PTPRT: variants seen among roughly 807,000 people sequenced by gnomAD.
PTPRT encodes receptor-type tyrosine-protein phosphatase T.
A neutral mutation model predicts 176.8 loss-of-function variants in PTPRT; 56 were observed. The ratio of observed to expected loss-of-function variants is 0.32; its 90% CI spans 0.26 to 0.40. The LOEUF (loss-of-function observed/expected upper bound fraction) is 0.40, where lower values mean the gene tolerates loss of function less well. PTPRT is among the 10% of genes least tolerant of loss of function. The probability of loss-of-function intolerance (pLI) is 1.00; values close to 1 mark genes in which losing one functional copy is unlikely to be tolerated. For missense variants in PTPRT, 1,540 were observed against 1,908.2 expected (o/e 0.81, Z 3.60); for synonymous variants, 783 against 739.0 (o/e 1.06, Z -0.96).
At chr20:42,227,301 G>C (rs2056036446) in intron 15 of PTPRT, among the ~76,000 whole-genome samples, 6 of 152,292 alleles carry the variant, frequency 3.9e-5, no homozygotes, top group Admixed American at 3.3e-4. Context: ...CCAACCCCAG[G>C]GGAGGCCCTG....
chr20:42,743,785 A>T (rs1223288347), intron 6 of PTPRT, among the ~76,000 whole-genome samples: 1 of 152,336 alleles, frequency 6.6e-6, no homozygotes, highest in East Asian at 1.9e-4. Flanking sequence ...TTACATTGGG[A>T]ACCCACAGCC....
intron 6 of PTPRT, among the ~76,000 whole-genome samples, chr20:42,710,047 A>C (rs1391849431): frequency 6.6e-6 from 1 of 152,198 alleles, no homozygotes; most frequent in African/African-American, 2.4e-5. Context: ...GGCTGCTTCT[A>C]ATAGCCTATG....
chr20:43,181,058 C>T (rs904191160), intron 1 of PTPRT, among the ~76,000 whole-genome samples: 4 of 152,204 alleles, frequency 2.6e-5, no homozygotes, highest in Non-Finnish European at 4.4e-5. Context: ...ACACTGTGAG[C>T]TGTCTGATGA....
chr20:42,861,856 T>C (rs2078667170), intron 2 of PTPRT, among the ~76,000 whole-genome samples: 1 of 146,552 alleles, frequency 6.8e-6, no homozygotes. Context: ...CTGGTGTGGT[T>C]AAAAAAAAAC....
At chr20:43,169,042 A>G (rs758283863) in intron 1 of PTPRT, among the ~76,000 whole-genome samples, 1 of 152,062 alleles carries the variant, frequency 6.6e-6, no homozygotes, top group Non-Finnish European at 1.5e-5. Flanking sequence ...CAGAGTGCGC[A>G]CCCCAGGTTC....
intron 2 of PTPRT, among the ~76,000 whole-genome samples, chr20:42,808,659 C>G (rs2077649484): frequency 6.6e-6 from 1 of 151,988 alleles, no homozygotes; most frequent in Non-Finnish European, 1.5e-5. Flanking sequence ...TGTCAAGGTT[C>G]CCTCTAAAAA....
At chr20:42,081,682 G>A (rs1983343976) in intron 30 of PTPRT, among the ~76,000 whole-genome samples, 200 bp downstream of exon 30, 1 of 152,206 alleles carries the variant, frequency 6.6e-6, no homozygotes, top group Non-Finnish European at 1.5e-5. Flanking sequence ...TTAGTAATTG[G>A]ATTTTCCTGC....
intron 2 of PTPRT, among the ~76,000 whole-genome samples, chr20:42,813,002 T>C (rs935632720): frequency 2.0e-5 from 3 of 152,208 alleles, no homozygotes; most frequent in African/African-American, 7.2e-5. Context: ...TCATATTCAG[T>C]TGACTACTTT....
chr20:42,837,744 G>A (rs1190078226), intron 2 of PTPRT, among the ~76,000 whole-genome samples: 1 of 152,174 alleles, frequency 6.6e-6, no homozygotes, highest in African/African-American at 2.4e-5. Context: ...AGAGTACAGA[G>A]GCCAAAGGGA....
At chr20:42,223,367 G>C (rs1291392566) in intron 15 of PTPRT, among the ~76,000 whole-genome samples, 1 of 152,212 alleles carries the variant, frequency 6.6e-6, no homozygotes, top group African/African-American at 2.4e-5. Context: ...CAGAGGCTCA[G>C]AGAATTTAAG....
chr20:43,075,050 G>A (rs1373166244), intron 1 of PTPRT, among the ~76,000 whole-genome samples: 1 of 152,216 alleles, frequency 6.6e-6, no homozygotes, highest in Admixed American at 6.5e-5. Flanking sequence ...CTGCATGGAT[G>A]CAGAACATAA....
intron 1 of PTPRT, among the ~76,000 whole-genome samples, chr20:42,926,422 G>T (rs763857174): frequency 3.0e-4 from 45 of 152,158 alleles, no homozygotes; most frequent in Admixed American, 5.9e-4. Flanking sequence ...GCAACTCTTA[G>T]TGCAATTCAC....
chr20:42,488,468 TA>T (rs2071501077), intron 7 of PTPRT, among the ~76,000 whole-genome samples: 1 of 152,208 alleles, frequency 6.6e-6, no homozygotes, highest in Admixed American at 6.5e-5. Context: ...ATTACTATTT[TA>T]ATTTATATTG....
At chr20:42,041,704 G>A in the PTPRT span, among the ~76,000 whole-genome samples, 18 of 152,112 alleles carry the variant, frequency 1.2e-4, no homozygotes, top group Non-Finnish European at 1.0e-4. Context: ...TATAATGGGG[G>A]CAATAATATA....
At chr20:42,308,128 AC>A (rs1010302649) in intron 12 of PTPRT, among the ~76,000 whole-genome samples, 3 of 150,980 alleles carry the variant, frequency 2.0e-5, no homozygotes, top group African/African-American at 7.3e-5. Context: ...TGAATAATCC[AC>A]CCCTTTTTTT....
intron 5 of PTPRT, among the ~76,000 whole-genome samples, chr20:42,768,697 C>T (rs1279321760): frequency 6.6e-6 from 1 of 152,104 alleles, no homozygotes; most frequent in Non-Finnish European, 1.5e-5. Flanking sequence ...CTGGTGTTGT[C>T]CCACTTTTAA....
chr20:42,222,615 C>T (rs1191008627), intron 15 of PTPRT, among the ~76,000 whole-genome samples: 1 of 152,126 alleles, frequency 6.6e-6, no homozygotes, highest in African/African-American at 2.4e-5. Flanking sequence ...ATGAGGGCTG[C>T]GTTTGGAGAG....
At chr20:42,114,632 C>T (rs1273814756) in intron 22 of PTPRT, among the ~76,000 whole-genome samples, 1 of 152,152 alleles carries the variant, frequency 6.6e-6, no homozygotes, top group Non-Finnish European at 1.5e-5. Context: ...GCATCTCTGG[C>T]CTCTCCACCC....
intron 9 of PTPRT, among the ~76,000 whole-genome samples, chr20:42,366,491 C>G (rs1334775473): frequency 1.3e-5 from 2 of 152,202 alleles, no homozygotes; most frequent in Non-Finnish European, 2.9e-5. Context: ...CTGTGGCTCC[C>G]AAGAAGCTCT....
Sources: gnomAD v4.1 joint callset for allele counts (sites outside exome capture counted in the v4.1 genomes callset) on GRCh38, gnomAD v4.1.1 for gene constraint, MANE v1.5 for transcripts, NCBI Gene and HGNC (gene_info 2026-07-23, HGNC 2026-07-21) for gene names.